CDK19: variants seen among roughly 807,000 people sequenced by gnomAD.
The protein encoded by CDK19 is cyclin-dependent kinase 19.
Under a neutral mutation model 68.3 loss-of-function variants are expected in CDK19, and 20 were observed. The observed-to-expected ratio is 0.29, with a 90% confidence interval of 0.21 to 0.43. The LOEUF (loss-of-function observed/expected upper bound fraction) is 0.43, where lower values mean the gene tolerates loss of function less well. Among genes scored for constraint, CDK19 ranks in the 20% least tolerant of loss-of-function variants. CDK19 has a pLI of 1.00. For synonymous variants in CDK19, 221 were observed against 222.8 expected (o/e 0.99, Z 0.07); for missense variants, 339 against 623.5 (o/e 0.54, Z 4.86).
rs1279836882 is a variant in CDK19, at chr6:110,641,642, AAAGAAAGG to A, written c.457-2944_457-2937del. 1.7e-3 allele frequency among the ~76,000 whole-genome samples: 162 copies of A among 93,594 alleles called. 1 individual carries two copies. In the Middle Eastern group the frequency reaches 0.02, roughly 12 times the overall value. The allele number at this position is 93,594 out of a possible 152,430, so 61.4% of individuals were successfully genotyped here. A position where few individuals can be genotyped will look rare whatever the true frequency, so the allele number is the denominator to read the frequency against. On this transcript the variant is annotated intron_variant, in intron 4 of 12. Coordinates refer to ENST00000368911, the MANE Select transcript of CDK19 (RefSeq NM_015076.5). ...GAAAGGAGAGGAAAGGAGGAAAGGG[AAAGAAAGG>A]AAGGAAGGAAGGAAGGAAGGAAGGA...
rs1778128454 is a variant in CDK19 at position 110,613,435 on chromosome 6, C to G, written c.*1100G>C. The G allele has an allele frequency of 6.6e-6, 1 of 152,598 alleles. No homozygotes were observed. Among genetic ancestry groups the G allele is most frequent in the African/African-American group, 2.4e-5 (1 of 41,436 alleles). The allele number at this position is 152,598 out of a possible 1,614,324, so 9.5% of individuals were successfully genotyped here. A position where few individuals can be genotyped will look rare whatever the true frequency, so the allele number is the denominator to read the frequency against. On this transcript the variant is annotated 3_prime_UTR_variant, in exon 13 of 13. Coordinates refer to ENST00000368911, the MANE Select transcript of CDK19 (RefSeq NM_015076.5). ...TTAACATGCTTTAAAAATAGTCACT[C>G]TATATCTAATACAAATACGAATGGA...
chr6:110,655,274 G>A (rs1781235019), intron 4 of CDK19, among the ~76,000 whole-genome samples: 1 of 151,692 alleles, frequency 6.6e-6, no homozygotes, highest in Non-Finnish European at 1.5e-5. Context: ...GCTGAGGCAG[G>A]AGAATTGCTT....
At chr6:110,615,427 TA>T (rs1562120354) in intron 12 of CDK19, among the ~76,000 whole-genome samples, 2 of 152,230 alleles carry the variant, frequency 1.3e-5, no homozygotes, top group African/African-American at 4.8e-5. Flanking sequence ...GAGACAAGCA[TA>T]GCTGGAAGTA....
chr6:110,733,241 T>G (rs925811334), intron 2 of CDK19, among the ~76,000 whole-genome samples: 14 of 152,222 alleles, frequency 9.2e-5, no homozygotes, highest in African/African-American at 2.7e-4. Context: ...TTATTTAAAT[T>G]AATGTTTCTG....
At chr6:110,663,680 C>T (rs1177715934) in intron 4 of CDK19, among the ~76,000 whole-genome samples, 2 of 152,150 alleles carry the variant, frequency 1.3e-5, no homozygotes, top group African/African-American at 2.4e-5. Flanking sequence ...TACAGGTATG[C>T]ACCACCACAC....
chr6:110,660,083 T>C (rs1231100352), intron 4 of CDK19, among the ~76,000 whole-genome samples: 1 of 152,178 alleles, frequency 6.6e-6, no homozygotes. Flanking sequence ...CTTCCCACCT[T>C]ATCCTCTTGA....
rs2114522222 is a variant in CDK19, at chr6:110,610,752, T to C, written c.*3783A>G. The C allele has an allele frequency of 6.6e-6, 1 of 152,314 alleles. No individual in the cohort carries two copies. Among genetic ancestry groups the C allele is most frequent in the Middle Eastern group, 3.4e-3 (1 of 294 alleles). The allele number at this position is 152,314 out of a possible 1,614,324, so 9.4% of individuals were successfully genotyped here. On this transcript the variant is annotated 3_prime_UTR_variant, in exon 13 of 13. Transcript: ENST00000368911. ...AAGACATCATCATAGAGTTTTGGATTTGTAATTTCCATAGAATTCTTCCTT... is the reference window on the plus strand; with the variant it reads ...AAGACATCATCATAGAGTTTTGGATCTGTAATTTCCATAGAATTCTTCCTT...
chr6:110,666,184 G>C (rs905091484), intron 4 of CDK19, among the ~76,000 whole-genome samples: 3 of 150,182 alleles, frequency 2.0e-5, no homozygotes, highest in Non-Finnish European at 4.4e-5. Flanking sequence ...GGGAGGCCGA[G>C]GAGGGTGGAT....
At chr6:110,712,099 T>C (rs1005238097) in intron 2 of CDK19, among the ~76,000 whole-genome samples, 5 of 152,352 alleles carry the variant, frequency 3.3e-5, no homozygotes, top group African/African-American at 9.6e-5. Context: ...CCCCAAATGA[T>C]GTTATGTAGG....
intron 2 of CDK19, among the ~76,000 whole-genome samples, chr6:110,696,861 C>G (rs2114612251): frequency 1.3e-5 from 2 of 152,140 alleles, no homozygotes; most frequent in East Asian, 3.9e-4. Context: ...GAGTTTGAGA[C>G]CAGCCTGGGC....
chr6:110,777,665 G>A (rs927872425), intron 1 of CDK19, among the ~76,000 whole-genome samples: 2 of 152,164 alleles, frequency 1.3e-5, no homozygotes, highest in Non-Finnish European at 2.9e-5. Context: ...AGAACGAAAA[G>A]CAGGGACTCA....
chr6:110,719,972 G>GCTCCCCCCCCCCCCCCCC (rs1554211507), intron 2 of CDK19, among the ~76,000 whole-genome samples: 61 of 45,520 alleles, frequency 1.3e-3, no homozygotes, highest in South Asian at 1.7e-3. Context: ...CTTGTGATCC[G>GCTCCCCCCCCCCCCCCCC]CCCCCCCCCC....
At chr6:110,786,057 T>C (rs1313609624) in intron 1 of CDK19, among the ~76,000 whole-genome samples, 1 of 152,198 alleles carries the variant, frequency 6.6e-6, no homozygotes, top group East Asian at 1.9e-4. Context: ...TTCATTTCTC[T>C]AGCAATGTTT....
chr6:110,801,867 G>A (rs982926703), intron 1 of CDK19, among the ~76,000 whole-genome samples: 1 of 152,110 alleles, frequency 6.6e-6, no homozygotes, highest in Non-Finnish European at 1.5e-5. Context: ...TAAAAAGTGA[G>A]CGAAGGACAT....
rs115373566 is a variant in CDK19, at chr6:110,670,164, G to A, written c.315+267C>T. ...AAGAGCAAAACTCCCTTCCCCGTTC[G>A]TCTCCCCCGGGCCAAAAAAAGTATA... is the stretch of plus-strand genomic sequence containing the variant. On this transcript the variant is annotated intron_variant, in intron 3 of 12. Transcript: ENST00000368911. Among the ~76,000 whole-genome samples, 759 of 150,020 alleles carry A rather than the reference G, an allele frequency of 5.1e-3. 7 individuals carry two copies. The highest frequency in any genetic ancestry group is 0.018 in the African/African-American group (716 of 39,562).
At chr6:110,657,966 C>T (rs1284613004) in intron 4 of CDK19, among the ~76,000 whole-genome samples, 1 of 152,170 alleles carries the variant, frequency 6.6e-6, no homozygotes, top group Non-Finnish European at 1.5e-5. Flanking sequence ...AAAGCTCCAA[C>T]TACAGGGCTA....
intron 1 of CDK19, among the ~76,000 whole-genome samples, chr6:110,771,446 G>A (rs111286839): frequency 0.021 from 3,146 of 152,220 alleles, 94 homozygotes; most frequent in African/African-American, 0.073. Flanking sequence ...GGGATGCAGG[G>A]CACCAAGTCC....
intron 1 of CDK19, among the ~76,000 whole-genome samples, chr6:110,804,879 C>A (rs1583142487): frequency 6.6e-6 from 1 of 151,712 alleles, no homozygotes; most frequent in East Asian, 2.0e-4. Context: ...TGGCGTGAAC[C>A]CAGGAGGCGG....
At chr6:110,728,126 A>G (rs1195742072) in intron 2 of CDK19, among the ~76,000 whole-genome samples, 3 of 152,070 alleles carry the variant, frequency 2.0e-5, no homozygotes, top group Non-Finnish European at 4.4e-5. Context: ...TGTCTCTACT[A>G]AAAATACAAA....
Sources: allele counts gnomAD v4.1 joint callset (sites outside exome capture counted in the v4.1 genomes callset), GRCh38; gene constraint gnomAD v4.1.1; transcripts MANE v1.5; gene names NCBI Gene and HGNC (gene_info 2026-07-23, HGNC 2026-07-21).